Variants in GLIS3 observed in about 807,000 individuals in gnomAD.
The protein encoded by GLIS3 is zinc finger protein GLIS3.
In GLIS3, 53 loss-of-function variants were observed where a neutral mutation model predicts 78.6. The observed-to-expected ratio is 0.67, with a 90% confidence interval of 0.54 to 0.85. The LOEUF (loss-of-function observed/expected upper bound fraction) is 0.85, where lower values mean the gene tolerates loss of function less well. Among genes scored for constraint, GLIS3 ranks in the 40% least tolerant of loss-of-function variants. The probability of loss-of-function intolerance (pLI) is 0.00; values close to 1 mark genes in which losing one functional copy is unlikely to be tolerated. For synonymous variants in GLIS3, 684 were observed against 509.9 expected (o/e 1.34, Z -4.60); for missense variants, 1,703 against 1,231.1 (o/e 1.38, Z -5.74).
At chr9:3,836,841 A>G (rs1043493534) in intron 9 of GLIS3, among the ~76,000 whole-genome samples, 5 of 152,096 alleles carry the variant, frequency 3.3e-5, no homozygotes, top group Non-Finnish European at 7.4e-5. Flanking sequence ...ATCCCCTTCC[A>G]TACTTCTGCT....
At chr9:4,246,654 C>T (rs1355863257) in intron 2 of GLIS3, among the ~76,000 whole-genome samples, 2 of 152,190 alleles carry the variant, frequency 1.3e-5, no homozygotes, top group Non-Finnish European at 2.9e-5. Context: ...TGACTCAAGG[C>T]AGCTACCTGA....
At chr9:3,901,764 C>G (rs1823321710) in intron 6 of GLIS3, among the ~76,000 whole-genome samples, 1 of 152,186 alleles carries the variant, frequency 6.6e-6, no homozygotes, top group East Asian at 1.9e-4. Context: ...ACATTCCAGT[C>G]TCTGACCAGG....
At chr9:3,938,401 T>C (rs1443307808) in intron 4 of GLIS3, among the ~76,000 whole-genome samples, 1 of 152,220 alleles carries the variant, frequency 6.6e-6, no homozygotes, top group Admixed American at 6.5e-5. Flanking sequence ...TGCAAGAAAT[T>C]GTATAAAACT....
At chr9:4,245,483 G>A (rs770038388) in intron 2 of GLIS3, among the ~76,000 whole-genome samples, 1 of 152,154 alleles carries the variant, frequency 6.6e-6, no homozygotes, top group African/African-American at 2.4e-5. Flanking sequence ...TGTATGTACA[G>A]GAAACAACGT....
At chr9:4,050,402 A>G (rs538788887) in intron 4 of GLIS3, among the ~76,000 whole-genome samples, 2 of 152,036 alleles carry the variant, frequency 1.3e-5, no homozygotes, top group African/African-American at 2.4e-5. Context: ...AACAATGAGA[A>G]CACTTGTACA....
intron 2 of GLIS3, among the ~76,000 whole-genome samples, chr9:4,170,132 T>G (rs1816247896): frequency 6.6e-6 from 1 of 152,130 alleles, no homozygotes; most frequent in South Asian, 2.1e-4. Flanking sequence ...TCAAAAAGGC[T>G]GAAGTGATAA....
At chr9:3,854,661 C>A (rs1335848124) in intron 9 of GLIS3, among the ~76,000 whole-genome samples, 5 of 151,924 alleles carry the variant, frequency 3.3e-5, no homozygotes, top group Non-Finnish European at 7.4e-5. Context: ...CTCAGCCTCC[C>A]AAGTAGCTGG....
intron 2 of GLIS3, among the ~76,000 whole-genome samples, chr9:4,213,025 G>A (rs1319260593): frequency 3.3e-5 from 5 of 152,166 alleles, no homozygotes; most frequent in African/African-American, 9.7e-5. Context: ...CTGGGCTGGA[G>A]AAGAGGCAGA....
chr9:4,132,534 G>C (rs56816115), intron 2 of GLIS3, among the ~76,000 whole-genome samples: 1,704 of 152,044 alleles, frequency 0.011, 31 homozygotes, highest in African/African-American at 0.039. Flanking sequence ...GGGAAGAGCG[G>C]AGAGAAGCAA....
intron 1 of GLIS3, among the ~76,000 whole-genome samples, chr9:4,291,932 AC>A (rs1201893276): frequency 1.3e-5 from 2 of 152,254 alleles, no homozygotes; most frequent in Non-Finnish European, 2.9e-5. Context: ...CCAGTCATTA[AC>A]TCATCAATGA....
chr9:3,835,213 A>G (rs1220327878), intron 9 of GLIS3, among the ~76,000 whole-genome samples: 2 of 152,218 alleles, frequency 1.3e-5, no homozygotes, highest in African/African-American at 4.8e-5. Context: ...GGGCACTAGG[A>G]AAAGTGCTAC....
intron 4 of GLIS3, among the ~76,000 whole-genome samples, chr9:4,107,033 G>A (rs915731664): frequency 1.3e-5 from 2 of 152,104 alleles, no homozygotes; most frequent in Non-Finnish European, 2.9e-5. Context: ...AAATGGTTGG[G>A]CTGGGAAAGA....
At chr9:4,434,365 T>A in the GLIS3 span, among the ~76,000 whole-genome samples, 14 of 152,160 alleles carry the variant, frequency 9.2e-5, no homozygotes, top group African/African-American at 2.9e-4. Context: ...TGACAGTATG[T>A]CCAGGTCAAA....
chr9:4,480,602 C>T, the GLIS3 span, among the ~76,000 whole-genome samples: 5,252 of 152,104 alleles, frequency 0.035, 316 homozygotes, highest in African/African-American at 0.12. Context: ...AGAAGTGGAA[C>T]GTTACCACAT....
rs114024724 is a variant in GLIS3, at chr9:3,871,761, G to A, written c.2297+7666C>T. ...AGGCCTTGGGGCCTGTGACTGGAGG[G>A]ACTGCTGTGAAGACCTCTGAGATGC... On this transcript the variant is annotated intron_variant, in intron 8 of 10. Coordinates refer to ENST00000381971, the MANE Select transcript of GLIS3 (RefSeq NM_001042413.2). Among the ~76,000 whole-genome samples the A allele has an allele frequency of 4.1e-3, 623 of 152,328 alleles. 4 individuals carry two copies. Among genetic ancestry groups the A allele is most frequent in the African/African-American group, 0.015 (615 of 41,570 alleles).
chr9:4,178,238 T>G (rs909436178), intron 2 of GLIS3, among the ~76,000 whole-genome samples: 4 of 152,112 alleles, frequency 2.6e-5, no homozygotes, highest in Non-Finnish European at 5.9e-5. Flanking sequence ...AAGACAGCCC[T>G]GCCCCCAAAA....
intron 4 of GLIS3, among the ~76,000 whole-genome samples, chr9:3,952,211 T>C (rs550255445): frequency 2.6e-5 from 4 of 152,240 alleles, no homozygotes; most frequent in East Asian, 3.9e-4. Flanking sequence ...AATAAAATCA[T>C]ATGGCCAATA....
Position 4,268,910 on chromosome 9 carries a change from A to G in GLIS3, c.388+17128T>C, listed in dbSNP as rs572392091. ...AGGGCAGTAGCTGTTTGCTGCAGCT[A>G]CTATCTACACATTTCCTCACAGTTC... On this transcript the variant is annotated intron_variant, in intron 2 of 10. Transcript: ENST00000381971. 2.6e-4 allele frequency among the ~76,000 whole-genome samples: 39 copies of G among 152,224 alleles called. No individual in the cohort carries two copies. The South Asian group carries it at 5.0e-3, about 19-fold the overall frequency.
At chr9:4,001,047 T>C (rs146168253) in intron 4 of GLIS3, among the ~76,000 whole-genome samples, 7 of 152,346 alleles carry the variant, frequency 4.6e-5, no homozygotes, top group African/African-American at 1.4e-4. Flanking sequence ...ATTTCCCGTG[T>C]GTTAATTTTA....
Sources: allele counts gnomAD v4.1 joint callset (sites outside exome capture counted in the v4.1 genomes callset), GRCh38; gene constraint gnomAD v4.1.1; transcripts MANE v1.5; gene names NCBI Gene and HGNC (gene_info 2026-07-23, HGNC 2026-07-21).